Variants in CHN2 observed in about 807,000 individuals in gnomAD.
CHN2 encodes the protein chimerin 2, also known as beta-chimaerin.
CHN2 carries 35 observed loss-of-function variants against 56.3 expected under a neutral mutation model. The ratio of observed to expected loss-of-function variants is 0.62; its 90% CI spans 0.47 to 0.82. The LOEUF (loss-of-function observed/expected upper bound fraction) is 0.82, where lower values mean the gene tolerates loss of function less well. Ranked by LOEUF, CHN2 falls within the 40% of genes least tolerant of loss-of-function variation. The probability of loss-of-function intolerance (pLI) is 0.00; values close to 1 mark genes in which losing one functional copy is unlikely to be tolerated. For synonymous variants in CHN2, 210 were observed against 212.8 expected (o/e 0.99, Z 0.12); for missense variants, 491 against 580.5 (o/e 0.85, Z 1.58).
At chr7:29,264,793 CG>C (rs1207132233) in intron 1 of CHN2, among the ~76,000 whole-genome samples, 1 of 146,790 alleles carries the variant, frequency 6.8e-6, no homozygotes, top group Non-Finnish European at 1.5e-5. Context: ...GAGAGACACC[CG>C]GGGTGATCAA....
intron 6 of CHN2, among the ~76,000 whole-genome samples, chr7:29,424,745 A>G (rs1033365655): frequency 3.9e-5 from 6 of 152,168 alleles, no homozygotes; most frequent in South Asian, 2.1e-4. Context: ...ATGGCAACCA[A>G]TTTAGCCAGA....
chr7:29,276,607 G>T (rs1381002482), intron 1 of CHN2, among the ~76,000 whole-genome samples: 1 of 152,170 alleles, frequency 6.6e-6, no homozygotes, highest in East Asian at 1.9e-4. Context: ...TGATTGTAAA[G>T]ATTAAATAAG....
At chr7:29,221,157 A>G (rs1303505521) in intron 1 of CHN2, among the ~76,000 whole-genome samples, 1 of 152,212 alleles carries the variant, frequency 6.6e-6, no homozygotes, top group Non-Finnish European at 1.5e-5. Flanking sequence ...GATTTCTCCG[A>G]GTTTGGGAAC....
chr7:29,307,868 T>G (rs752380426), intron 1 of CHN2, among the ~76,000 whole-genome samples: 10 of 152,190 alleles, frequency 6.6e-5, no homozygotes, highest in Non-Finnish European at 1.5e-4. Flanking sequence ...AACACCTTGA[T>G]TTGAGCCTAA....
At chr7:29,411,467 G>A (rs563263177) in intron 6 of CHN2, among the ~76,000 whole-genome samples, 1 of 152,238 alleles carries the variant, frequency 6.6e-6, no homozygotes, top group South Asian at 2.1e-4. Flanking sequence ...TTGCCACCCA[G>A]AGCCACCTCA....
At chr7:29,264,613 GCATA>G (rs1297685649) in intron 1 of CHN2, among the ~76,000 whole-genome samples, 1 of 152,070 alleles carries the variant, frequency 6.6e-6, no homozygotes, top group African/African-American at 2.4e-5. Flanking sequence ...CTTGAAGGCA[GCATA>G]CTCGTTAAGG....
chr7:29,378,218 T>C (rs1420288213), intron 3 of CHN2, among the ~76,000 whole-genome samples: 1 of 152,242 alleles, frequency 6.6e-6, no homozygotes, highest in Non-Finnish European at 1.5e-5. Context: ...TCTACCTCAG[T>C]TCATTGTGAT....
intron 1 of CHN2, among the ~76,000 whole-genome samples, chr7:29,280,662 G>T (rs1791629927): frequency 6.6e-6 from 1 of 152,190 alleles, no homozygotes; most frequent in Admixed American, 6.5e-5. Context: ...GAACAGAGAA[G>T]GCAGATGTTC....
chr7:29,459,146 G>A (rs1784972300), intron 6 of CHN2, among the ~76,000 whole-genome samples: 1 of 152,202 alleles, frequency 6.6e-6, no homozygotes, highest in Non-Finnish European at 1.5e-5. Flanking sequence ...AACGCGGTGG[G>A]TCAGGGGTCA....
chr7:29,244,476 T>G (rs1358970394), intron 1 of CHN2, among the ~76,000 whole-genome samples: 1 of 152,246 alleles, frequency 6.6e-6, no homozygotes, highest in African/African-American at 2.4e-5. Flanking sequence ...TCAAGGCTGA[T>G]AGGTTTCACC....
chr7:29,446,954 G>T (rs1026114467), intron 6 of CHN2, among the ~76,000 whole-genome samples: 7 of 152,124 alleles, frequency 4.6e-5, no homozygotes, highest in African/African-American at 1.7e-4. Context: ...GATCCGCCCG[G>T]CAGATCACAA....
intron 6 of CHN2, among the ~76,000 whole-genome samples, chr7:29,415,779 C>T (rs1765041236): frequency 6.6e-6 from 1 of 152,218 alleles, no homozygotes; most frequent in Non-Finnish European, 1.5e-5. Flanking sequence ...GGGCTGGAGA[C>T]AGAGCCTGGG....
intron 4 of CHN2, among the ~76,000 whole-genome samples, chr7:29,396,459 C>CAAAAA (rs35163855): frequency 1.8e-5 from 1 of 56,508 alleles, no homozygotes; most frequent in Admixed American, 2.4e-4. Context: ...AGACTCTCTC[C>CAAAAA]AAAAAAAAAA....
chr7:29,331,844 G>A lies in CHN2; in HGVS notation c.50-22781G>A, dbSNP rs180821085. 1.7e-3 allele frequency among the ~76,000 whole-genome samples: 263 copies of A among 151,990 alleles called. 2 individuals carry two copies. Among genetic ancestry groups the A allele is most frequent in the African/African-American group, 5.9e-3 (244 of 41,488 alleles). ...TGGGAGGCCGAGGTGGGTGGATCAC[G>A]AGGTCAGGAGTTTGAGACCAGCCTG... On this transcript the variant is annotated intron_variant, in intron 1 of 12. Coordinates refer to ENST00000222792, the MANE Select transcript of CHN2 (RefSeq NM_004067.4).
At chr7:29,474,957 G>A (rs147836344) in intron 6 of CHN2, among the ~76,000 whole-genome samples, 1 of 152,296 alleles carries the variant, frequency 6.6e-6, no homozygotes, top group Non-Finnish European at 1.5e-5. Flanking sequence ...CTGGGCTTAT[G>A]ATGCTAGGTT....
chr7:29,473,391 A>G (rs7804908), intron 6 of CHN2, among the ~76,000 whole-genome samples: 102,473 of 151,284 alleles, frequency 0.68, 34,857 homozygotes, highest in East Asian at 0.77. Context: ...TTTACAGCCC[A>G]GCCCCCATCT....
chr7:29,229,459 T>G (rs1786494613), intron 1 of CHN2, among the ~76,000 whole-genome samples: 3 of 152,232 alleles, frequency 2.0e-5, no homozygotes, highest in African/African-American at 7.2e-5. Context: ...TACGAAGATT[T>G]ACTAATTATA....
At chr7:29,391,769 C>T (rs1190009436) in intron 3 of CHN2, among the ~76,000 whole-genome samples, 1 of 152,176 alleles carries the variant, frequency 6.6e-6, no homozygotes, top group Non-Finnish European at 1.5e-5. Context: ...TCTGCACCTG[C>T]AAGGTCATTA....
At chr7:29,458,822 G>T (rs1444741462) in intron 6 of CHN2, among the ~76,000 whole-genome samples, 1 of 152,296 alleles carries the variant, frequency 6.6e-6, no homozygotes, top group East Asian at 1.9e-4. Flanking sequence ...ACCCACCAAA[G>T]AAGATACCAC....
Sources: allele counts gnomAD v4.1 joint callset (sites outside exome capture counted in the v4.1 genomes callset), GRCh38; gene constraint gnomAD v4.1.1; transcripts MANE v1.5; gene names NCBI Gene and HGNC (gene_info 2026-07-23, HGNC 2026-07-21).